Variants in RAPGEF5 observed in about 807,000 individuals in gnomAD.
RAPGEF5 encodes M-Ras-regulated GEF.
RAPGEF5 carries 65 observed loss-of-function variants against 125.2 expected under a neutral mutation model. That is an observed-to-expected ratio of 0.52 (90% CI 0.43 to 0.64). The LOEUF (loss-of-function observed/expected upper bound fraction) is 0.64. Ranked by LOEUF, RAPGEF5 falls within the 30% of genes least tolerant of loss-of-function variation. The probability of loss-of-function intolerance (pLI) is 0.00; values close to 1 mark genes in which losing one functional copy is unlikely to be tolerated. For missense variants in RAPGEF5, 958 were observed against 1,048.1 expected (o/e 0.91, Z 1.19); for synonymous variants, 391 against 385.9 (o/e 1.01, Z -0.16).
In RAPGEF5 at chr7:22,122,493, C is replaced by T. The variant is rs1782610419; in HGVS notation, c.2565G>A (p.Glu855=). The T allele has an allele frequency of 8.1e-6, 13 of 1,613,722 alleles. No individual in the cohort carries two copies. The highest frequency in any genetic ancestry group is 1.1e-5 in the Non-Finnish European group (13 of 1,179,742). The part of the protein sequence containing the change: ...FGDLSPKEHQ[E]LKSYVNHLYV... ...ACAGGTGATTAACATAGGACTTTAA[C>T]TCTTGATGCTCTTTTGGAGACAGGT... The change falls in exon 26 of 26, where the codon GAG becomes GAA. Residue 855 remains glutamate, a synonymous_variant. Coordinates refer to ENST00000665637, the MANE Select transcript of RAPGEF5 (RefSeq NM_012294.5).
intron 16 of RAPGEF5, 81 bp from the exon 17 acceptor site, chr7:22,154,685 T>C: frequency 6.7e-7 from 1 of 1,496,554 alleles, no homozygotes; most frequent in Non-Finnish European, 9.0e-7. Flanking sequence ...GGCACCTTGA[T>C]CAACTTTTCT....
At chr7:22,246,773 T>A (rs781166234) in intron 7 of RAPGEF5, among the ~76,000 whole-genome samples, 5 of 152,034 alleles carry the variant, frequency 3.3e-5, no homozygotes, top group Admixed American at 6.6e-5. Context: ...AAATAAATTA[T>A]CAACAGAGTA....
rs367909478 is a variant in RAPGEF5, at chr7:22,131,033, G to A, written c.2481+4C>T. On this transcript the variant is annotated splice_donor_region_variant and intron_variant, in intron 24 of 25. Transcript: ENST00000665637. ...AAAAGGGAGAAGTAATGAAATTTACGTACCAGCTTTTCAAAATTGACAAGA... is the reference window on the plus strand; with the variant it reads ...AAAAGGGAGAAGTAATGAAATTTACATACCAGCTTTTCAAAATTGACAAGA... 96 of 1,540,826 alleles carry A rather than the reference G, an allele frequency of 6.2e-5. No homozygotes were observed. Among genetic ancestry groups the A allele is most frequent in the African/African-American group, 4.8e-4 (35 of 72,826 alleles).
intron 23 of RAPGEF5, 35 bp downstream of exon 23, chr7:22,136,003 G>A (rs747876257): frequency 6.7e-7 from 1 of 1,502,604 alleles, no homozygotes; most frequent in Non-Finnish European, 9.1e-7. Context: ...TCTGAAATAT[G>A]AAATTACATG....
At chr7:22,346,260 T>C (rs187391156) in intron 1 of RAPGEF5, among the ~76,000 whole-genome samples, 71 of 152,290 alleles carry the variant, frequency 4.7e-4, no homozygotes, top group South Asian at 1.0e-3. Flanking sequence ...ATGCAGCCCT[T>C]AAGTGGTAAG....
At chr7:22,290,546 C>A (rs1782906292) in intron 6 of RAPGEF5, among the ~76,000 whole-genome samples, 1 of 151,876 alleles carries the variant, frequency 6.6e-6, no homozygotes, top group Non-Finnish European at 1.5e-5. Flanking sequence ...GAGATCGAGA[C>A]CATCCCGGCT....
intron 18 of RAPGEF5, among the ~76,000 whole-genome samples, chr7:22,149,927 G>A (rs1783565078): frequency 2.4e-5 from 2 of 84,432 alleles, no homozygotes; most frequent in Non-Finnish European, 4.7e-5. Context: ...GGATTGAACT[G>A]AATTGCTCAA....
Position 22,134,850 on chromosome 7 carries a change from C to CT in RAPGEF5, c.2416+1187dup, listed in dbSNP as rs566759642. Among the ~76,000 whole-genome samples the CT allele has an allele frequency of 3.7e-3, 566 of 152,268 alleles. 2 individuals are homozygous for CT. Among genetic ancestry groups the CT allele is most frequent in the African/African-American group, 0.012 (492 of 41,536 alleles). ...TTATTATTTGGGCACCACAGTGTCT[C>CT]TTTATTTCACGCATTTGTATTTAAC... On this transcript the variant is annotated intron_variant, in intron 23 of 25. Coordinates refer to ENST00000665637, the MANE Select transcript of RAPGEF5 (RefSeq NM_012294.5).
intron 6 of RAPGEF5, among the ~76,000 whole-genome samples, chr7:22,273,826 T>C (rs987791346): frequency 6.6e-6 from 1 of 152,138 alleles, no homozygotes; most frequent in Non-Finnish European, 1.5e-5. Flanking sequence ...TTACTAGAGG[T>C]ATATTCAGGT....
chr7:22,206,688 G>GAAAAAAAAA (rs1202149831), intron 9 of RAPGEF5, among the ~76,000 whole-genome samples: 1 of 62,594 alleles, frequency 1.6e-5, no homozygotes, highest in Non-Finnish European at 3.4e-5. Context: ...CATGTCACAA[G>GAAAAAAAAA]AAAAAAAAAA....
chr7:22,149,716 T>C (rs951232691), intron 18 of RAPGEF5, among the ~76,000 whole-genome samples: 2 of 152,206 alleles, frequency 1.3e-5, no homozygotes, highest in Non-Finnish European at 2.9e-5. Flanking sequence ...TGGAACGAAG[T>C]GTACCAAATG....
chr7:22,211,923 C>T (rs1424172454), intron 9 of RAPGEF5, among the ~76,000 whole-genome samples: 1 of 149,584 alleles, frequency 6.7e-6, no homozygotes, highest in Non-Finnish European at 1.5e-5. Flanking sequence ...AAGCTGCTCT[C>T]TTCTCCACAT....
chr7:22,182,433 T>C (rs574251265), intron 11 of RAPGEF5, among the ~76,000 whole-genome samples: 2 of 152,324 alleles, frequency 1.3e-5, no homozygotes, highest in South Asian at 4.1e-4. Context: ...TCTTCATGAA[T>C]TTCAGTATCT....
intron 9 of RAPGEF5, among the ~76,000 whole-genome samples, chr7:22,195,900 G>C (rs1785137939): frequency 6.6e-6 from 1 of 152,156 alleles, no homozygotes; most frequent in African/African-American, 2.4e-5. Flanking sequence ...CTGTCATTCT[G>C]AAGTACGTTT....
At chr7:22,211,395 T>C (rs1014774731) in intron 9 of RAPGEF5, among the ~76,000 whole-genome samples, 1 of 152,220 alleles carries the variant, frequency 6.6e-6, no homozygotes, top group African/African-American at 2.4e-5. Context: ...ATTCACATTA[T>C]ATGCATGCAC....
chr7:22,350,747 C>G (rs1583598061), intron 1 of RAPGEF5, among the ~76,000 whole-genome samples: 1 of 152,270 alleles, frequency 6.6e-6, no homozygotes, highest in East Asian at 1.9e-4. Context: ...AGTTCCTTTG[C>G]TAGAATTCAC....
chr7:22,125,494 CAT>C (rs1229166932), intron 25 of RAPGEF5, 108 bp downstream of exon 25: 37 of 1,005,402 alleles, frequency 3.7e-5, no homozygotes, highest in Non-Finnish European at 4.7e-5. Context: ...TATGTATATA[CAT>C]ATGATACTTT....
intron 9 of RAPGEF5, among the ~76,000 whole-genome samples, chr7:22,201,710 G>A (rs1049654970): frequency 6.6e-6 from 1 of 152,188 alleles, no homozygotes; most frequent in Non-Finnish European, 1.5e-5. Flanking sequence ...CTTCCCATGT[G>A]ACCTTTGAGA....
chr7:22,309,339 A>G (rs558186336), intron 4 of RAPGEF5, among the ~76,000 whole-genome samples: 1 of 152,346 alleles, frequency 6.6e-6, no homozygotes, highest in Admixed American at 6.5e-5. Flanking sequence ...TATGCCCTTG[A>G]TATTTATTAC....
Sources: gnomAD v4.1 joint callset for allele counts (sites outside exome capture counted in the v4.1 genomes callset) on GRCh38, gnomAD v4.1.1 for gene constraint, MANE v1.5 for transcripts, NCBI Gene and HGNC (gene_info 2026-07-23, HGNC 2026-07-21) for gene names.